TENM4: variants seen among roughly 807,000 people sequenced by gnomAD.
The protein encoded by TENM4 is teneurin transmembrane protein 4.
TENM4 carries 82 observed loss-of-function variants against 243.3 expected under a neutral mutation model. The ratio of observed to expected loss-of-function variants is 0.34; its 90% confidence interval spans 0.28 to 0.40. The LOEUF is 0.40. Among genes scored for constraint, TENM4 ranks in the 10% least tolerant of loss-of-function variants. The probability of loss-of-function intolerance (pLI) is 1.00; values close to 1 mark genes in which losing one functional copy is unlikely to be tolerated. For synonymous variants in TENM4, 1,412 were observed against 1,456.3 expected (o/e 0.97, Z 0.69); for missense variants, 3,138 against 3,673.3 (o/e 0.85, Z 3.77).
chr11:79,058,554 A>C (rs898676566), intron 6 of TENM4, among the ~76,000 whole-genome samples: 1 of 152,028 alleles, frequency 6.6e-6, no homozygotes, highest in South Asian at 2.1e-4. Flanking sequence ...AAAAAAAAAA[A>C]AACAAAAAAA....
At chr11:79,431,058 TTAAA>T (rs1317593554) in intron 1 of TENM4, among the ~76,000 whole-genome samples, 5 of 152,044 alleles carry the variant, frequency 3.3e-5, no homozygotes, top group Non-Finnish European at 7.4e-5. Context: ...AATTAATAAA[TTAAA>T]TAAATAAATA....
At chr11:78,701,436 A>C (rs1411205988) in intron 28 of TENM4, 90 bp downstream of exon 28, 2 of 1,418,138 alleles carry the variant, frequency 1.4e-6, no homozygotes, top group African/African-American at 2.9e-5. Flanking sequence ...CCAAATCCTG[A>C]ATTAAAATAA....
At chr11:79,165,853 A>G (rs888602746) in intron 3 of TENM4, among the ~76,000 whole-genome samples, 2 of 152,120 alleles carry the variant, frequency 1.3e-5, no homozygotes, top group Non-Finnish European at 2.9e-5. Context: ...ATTCTTCTAC[A>G]TGTGGCTTGA....
chr11:79,054,496 T>G (rs1401665160), intron 6 of TENM4, among the ~76,000 whole-genome samples: 1 of 151,668 alleles, frequency 6.6e-6, no homozygotes, highest in Non-Finnish European at 1.5e-5. Flanking sequence ...ATATTCCAGG[T>G]ACCATCTTTT....
At chr11:79,121,515 G>A (rs1172757831) in intron 4 of TENM4, among the ~76,000 whole-genome samples, 1 of 152,148 alleles carries the variant, frequency 6.6e-6, no homozygotes, top group African/African-American at 2.4e-5. Context: ...AGGCATAAAG[G>A]ACCATGCGGC....
intron 1 of TENM4, among the ~76,000 whole-genome samples, chr11:79,402,321 T>C (rs778117437): frequency 6.6e-6 from 1 of 152,182 alleles, no homozygotes; most frequent in Non-Finnish European, 1.5e-5. Context: ...TGAATATCAG[T>C]GACACAAATT....
intron 15 of TENM4, among the ~76,000 whole-genome samples, 182 bp from the exon 16 acceptor site, chr11:78,787,265 G>A (rs926085456): frequency 2.6e-5 from 4 of 152,180 alleles, no homozygotes; most frequent in Non-Finnish European, 2.9e-5. Context: ...AGAGGCTCGC[G>A]AGACTAATCT....
At chr11:79,403,521 C>T (rs1276733242) in intron 1 of TENM4, among the ~76,000 whole-genome samples, 6 of 152,188 alleles carry the variant, frequency 3.9e-5, no homozygotes, top group Non-Finnish European at 7.3e-5. Flanking sequence ...ATTTGATACC[C>T]TTTCCATCTC....
At chr11:78,725,968 C>T (rs1245207372) in intron 23 of TENM4, 111 bp downstream of exon 23, 2 of 1,437,650 alleles carry the variant, frequency 1.4e-6, no homozygotes, top group African/African-American at 2.8e-5. Context: ...TCTCTGACCA[C>T]ATAGGAGCCT....
chr11:78,793,902 CCT>C (rs1261959692), intron 15 of TENM4, among the ~76,000 whole-genome samples: 25 of 152,194 alleles, frequency 1.6e-4, no homozygotes, highest in Admixed American at 1.1e-3. Flanking sequence ...GAGTGTATCC[CCT>C]GATTGTTAAT....
At chr11:78,960,068 T>G (rs1337577176) in intron 6 of TENM4, among the ~76,000 whole-genome samples, 1 of 151,946 alleles carries the variant, frequency 6.6e-6, no homozygotes, top group Non-Finnish European at 1.5e-5. Context: ...ATGGGGAAAC[T>G]GAGGCTTAGA....
chr11:79,013,541 A>G (rs11237684), intron 6 of TENM4, among the ~76,000 whole-genome samples: 29,610 of 152,150 alleles, frequency 0.19, 4,973 homozygotes, highest in African/African-American at 0.46. Context: ...CAGCAGCCCA[A>G]TCATGGGGTG....
chr11:79,044,768 G>T (rs1008185712), intron 6 of TENM4, among the ~76,000 whole-genome samples: 2 of 152,148 alleles, frequency 1.3e-5, no homozygotes, highest in Non-Finnish European at 2.9e-5. Context: ...CAGACTACTT[G>T]GGTTAAAACG....
At chr11:78,932,811 T>C (rs1856698061) in intron 6 of TENM4, among the ~76,000 whole-genome samples, 2 of 152,102 alleles carry the variant, frequency 1.3e-5, no homozygotes, top group South Asian at 2.1e-4. Context: ...CAGTTCAAAA[T>C]AGGGTTCGAG....
intron 6 of TENM4, among the ~76,000 whole-genome samples, chr11:78,931,997 A>G (rs1856679814): frequency 6.6e-6 from 1 of 152,170 alleles, no homozygotes; most frequent in Non-Finnish European, 1.5e-5. Context: ...CATCTCTAAC[A>G]ACAACAAAAA....
intron 15 of TENM4, among the ~76,000 whole-genome samples, chr11:78,798,596 G>A (rs769344027): frequency 4.6e-5 from 7 of 152,122 alleles, no homozygotes; most frequent in Admixed American, 2.6e-4. Context: ...AGCATTCAGC[G>A]GGCTCCGAGG....
intron 6 of TENM4, among the ~76,000 whole-genome samples, chr11:78,983,176 T>G (rs1857840474): frequency 6.6e-6 from 1 of 152,232 alleles, no homozygotes; most frequent in Non-Finnish European, 1.5e-5. Flanking sequence ...AATCTCACAG[T>G]CTATTCACAT....
chr11:78,701,657 C>A lies in TENM4; in HGVS notation c.4956G>T (p.Val1652=). 1 of 1,613,974 alleles carries A rather than the reference C, an allele frequency of 6.2e-7. No homozygotes were observed. The highest frequency in any genetic ancestry group is 1.6e-4 in the Middle Eastern group (1 of 6,062). Residue 1652 remains valine, a synonymous_variant, in exon 28 of 34, where the codon GTG becomes GTT. Transcript: ENST00000278550. ...TGAGTGCACTGTTGGTGCCCATGGT[C>A]ACCCAGTACACCTGGCCATCTGGGA... ...LVVPDGQVYW[V]TMGTNSALKS... is the part of the protein sequence containing the mutation.
intron 6 of TENM4, chr11:78,962,158 C>G (rs1857341205): frequency 6.6e-6 from 1 of 152,670 alleles, no homozygotes; most frequent in Non-Finnish European, 1.5e-5. Context: ...GCCGCGACCC[C>G]CAGGCTGGCG....
Sources: gnomAD v4.1 joint callset for allele counts (sites outside exome capture counted in the v4.1 genomes callset) on GRCh38, gnomAD v4.1.1 for gene constraint, MANE v1.5 for transcripts, NCBI Gene and HGNC (gene_info 2026-07-23, HGNC 2026-07-21) for gene names.